Variants in GPX4 observed in about 807,000 individuals in gnomAD.
GPX4 encodes phospholipid hydroperoxide glutathione peroxidase GPX4.
In GPX4, 28 loss-of-function variants were observed where a neutral mutation model predicts 27.8. The observed-to-expected ratio is 1.01, with a 90% CI of 0.75 to 1.38. The LOEUF (loss-of-function observed/expected upper bound fraction) is 1.38, where lower values mean the gene tolerates loss of function less well. Among genes scored for constraint, GPX4 ranks in the 40% most tolerant of loss-of-function variants. GPX4 has a pLI of 0.00. For synonymous variants in GPX4, 163 were observed against 107.8 expected (o/e 1.51, Z -3.17); for missense variants, 357 against 274.1 (o/e 1.30, Z -2.14).
intron 1 of GPX4, chr19:1,104,407 C>T (rs1171394664): frequency 1.5e-5 from 6 of 400,988 alleles, no homozygotes; most frequent in Non-Finnish European, 2.1e-5. Flanking sequence ...AGGGGCCGTC[C>T]AGGCCGTTGC....
At position 1,105,651 on chromosome 19, in the gene GPX4, G is replaced by A. The variant is rs1429010481; in HGVS notation, c.325-7G>A. On this transcript the variant is annotated splice_polypyrimidine_tract_variant and splice_region_variant and intron_variant, in intron 3 of 6. Coordinates refer to ENST00000354171, the MANE Select transcript of GPX4 (RefSeq NM_002085.5). ...CCCGACTCACTCACACACCTTGGCC[G>A]CCACAGGAGCCAGGGAGTAACGAAG... 6.8e-6 allele frequency: 11 copies of A among 1,611,914 alleles called. No homozygotes were observed. Among genetic ancestry groups the A allele is most frequent in the African/African-American group, 6.7e-5 (5 of 75,056 alleles).
intron 4 of GPX4, 39 bp downstream of exon 4, chr19:1,105,848 G>A (rs2079645323): frequency 6.7e-7 from 1 of 1,502,078 alleles, no homozygotes; most frequent in Non-Finnish European, 9.0e-7. Flanking sequence ...GCTGGGGTGG[G>A]GGTGGGGGGG....
At chr19:1,106,109 G>GGGGGGCTT in intron 4 of GPX4, 133 bp from the exon 5 acceptor site, 1 of 848,564 alleles carries the variant, frequency 1.2e-6, no homozygotes, top group South Asian at 1.7e-5. Context: ...GATGGCTCTG[G>GGGGGGCTT]GGGGGCTTGG....
intron 1 of GPX4, chr19:1,104,474 G>C: frequency 2.7e-6 from 1 of 369,178 alleles, no homozygotes; most frequent in Non-Finnish European, 4.2e-6. Context: ...GCGGGGTCCG[G>C]GACGGCTGGG....
intron 1 of GPX4, chr19:1,104,783 C>G: frequency 1.0e-6 from 1 of 990,002 alleles, no homozygotes; most frequent in African/African-American, 1.7e-5. Context: ...GCAGCGGTGC[C>G]AGAGCCGGGG....
chr19:1,105,125 C>A, intron 1 of GPX4, 61 bp from the exon 2 acceptor site: 19 of 1,588,368 alleles, frequency 1.2e-5, no homozygotes, highest in Non-Finnish European at 1.6e-5. Context: ...CCCTTCCTGC[C>A]TCAGGGTCCC....
Position 1,106,333 on chromosome 19 carries a change from G to A in GPX4, c.501+67G>A, listed in dbSNP as rs553318268. 358 of 1,608,920 alleles carry A rather than the reference G, an allele frequency of 2.2e-4. 8 individuals carry two copies. In the South Asian group the frequency reaches 2.9e-3, roughly 13 times the overall value. On this transcript the variant is annotated intron_variant, in intron 5 of 6. Coordinates refer to ENST00000354171, the MANE Select transcript of GPX4 (RefSeq NM_002085.5). ...CACAGCCGTGGCCCAGATGGGCAGC[G>A]GACAGGAAGGGCAGCCTCAGCCCCT...
At chr19:1,106,183 C>T (rs1271324078) in intron 4 of GPX4, 59 bp from the exon 5 acceptor site, 1 of 1,506,228 alleles carries the variant, frequency 6.6e-7, no homozygotes, top group Admixed American at 1.9e-5. Flanking sequence ...GGAGACAGGA[C>T]AGCTTGGGGA....
chr19:1,106,197 TG>T, intron 4 of GPX4, 44 bp from the exon 5 acceptor site: 4 of 1,516,890 alleles, frequency 2.6e-6, no homozygotes, highest in Non-Finnish European at 1.8e-6. Flanking sequence ...TTGGGGACTG[TG>T]GGGGGCTGCT....
chr19:1,106,601 C>G lies in GPX4; in HGVS notation c.*29C>G. ...CACAAGTGTGTGGCCCCGCCCGAGC[C>G]CCTGCCCACGCCCTTGGAGCCTTCC... On this transcript the variant is annotated 3_prime_UTR_variant, in exon 7 of 7. Transcript: ENST00000354171. The G allele has an allele frequency of 6.2e-7, 1 of 1,612,936 alleles. No homozygotes were observed. Among genetic ancestry groups the G allele is most frequent in the Non-Finnish European group, 8.5e-7 (1 of 1,179,682 alleles).
At chr19:1,104,254 C>T (rs1487885526) in intron 1 of GPX4, 127 bp downstream of exon 1, 3 of 811,804 alleles carry the variant, frequency 3.7e-6, no homozygotes, top group Non-Finnish European at 5.2e-6. Context: ...TCTGGGGGCT[C>T]CCCCTCCCCA....
intron 5 of GPX4, 37 bp downstream of exon 5, chr19:1,106,303 C>T (rs764518643): frequency 2.0e-5 from 32 of 1,605,290 alleles, no homozygotes; most frequent in Non-Finnish European, 2.6e-5. Flanking sequence ...CCAGCTTCCC[C>T]TGGCCACAGC....
At position 1,106,686 on chromosome 19, in the gene GPX4, C is replaced by T. The variant is rs1213404519; in HGVS notation, c.*114C>T. On this transcript the variant is annotated 3_prime_UTR_variant, in exon 7 of 7. Transcript: ENST00000354171. ...TGGTGGGGCAGACCCGAAAATCCAGCGTGCACCCCGCCGGAGGAAGGTCCC... is the reference window on the plus strand; with the variant it reads ...TGGTGGGGCAGACCCGAAAATCCAGTGTGCACCCCGCCGGAGGAAGGTCCC... 3.5e-6 allele frequency: 5 copies of T among 1,413,244 alleles called. No homozygotes were observed. The African/African-American group carries it at 5.7e-5, about 16-fold the overall frequency. 87.5% of individuals were successfully genotyped at this position (1,413,244 alleles called of 1,614,324 possible). A position where few individuals can be genotyped will look rare whatever the true frequency, so the allele number is the denominator to read the frequency against.
intron 5 of GPX4, 38 bp downstream of exon 5, chr19:1,106,304 T>C: frequency 6.2e-7 from 1 of 1,603,924 alleles, no homozygotes; most frequent in Non-Finnish European, 8.5e-7. Flanking sequence ...CAGCTTCCCC[T>C]GGCCACAGCC....
At chr19:1,104,884 C>T in intron 1 of GPX4, 1 of 1,314,140 alleles carries the variant, frequency 7.6e-7, no homozygotes, top group Non-Finnish European at 9.9e-7. Flanking sequence ...CCTGTCCCCG[C>T]AGCTTGCGAC....
Position 1,105,441 on chromosome 19 carries a change from C to A in GPX4, c.255C>A (p.Asp85Glu), listed in dbSNP as rs756929751. The A allele has an allele frequency of 6.2e-7, 1 of 1,612,606 alleles. No individual in the cohort carries two copies. Among genetic ancestry groups the A allele is most frequent in the African/African-American group, 1.3e-5 (1 of 75,062 alleles). The change falls in exon 3 of 7, where the codon GAC becomes GAA. Residue 85 changes from aspartate to glutamate, a missense_variant. Coordinates refer to ENST00000354171, the MANE Select transcript of GPX4 (RefSeq NM_002085.5). ...AAGTAAACTACACTCAGCTCGTCGA[C>A]CTGCACGCCCGATACGCTGAGTGTG... ...KTEVNYTQLVDLHARYAECGL... is the reference protein window; with the variant it reads ...KTEVNYTQLVELHARYAECGL...
At chr19:1,105,088 T>C (rs1279044315) in intron 1 of GPX4, 98 bp from the exon 2 acceptor site, 1 of 1,507,930 alleles carries the variant, frequency 6.6e-7, no homozygotes, top group Non-Finnish European at 9.1e-7. Flanking sequence ...AGGGCCTCGG[T>C]GTCCCCGCCA....
intron 4 of GPX4, 27 bp downstream of exon 4, chr19:1,105,836 CT>C: frequency 2.0e-6 from 1 of 507,204 alleles, no homozygotes; most frequent in South Asian, 1.7e-5. Context: ...GACAGTACGG[CT>C]GCTGGGGTGG....
At chr19:1,104,633 T>C (rs1413484340) in intron 1 of GPX4, 12 of 984,710 alleles carry the variant, frequency 1.2e-5, no homozygotes, top group Admixed American at 6.2e-5. Flanking sequence ...CCTAGCGCGG[T>C]GGCGTCACAG....
Sources: gnomAD v4.1 joint callset for allele counts on GRCh38, gnomAD v4.1.1 for gene constraint, MANE v1.5 for transcripts, NCBI Gene and HGNC (gene_info 2026-07-23, HGNC 2026-07-21) for gene names.